Variants in MED19 observed in about 807,000 individuals in gnomAD.
The protein encoded by MED19 is mediator complex subunit 19, also known as mediator of RNA polymerase II transcription subunit 19.
In MED19, 4 loss-of-function variants were observed where a neutral mutation model predicts 19.9. The observed-to-expected ratio is 0.20, with a 90% CI of 0.10 to 0.46. The LOEUF is 0.46. Among genes scored for constraint, MED19 ranks in the 20% least tolerant of loss-of-function variants. The pLI, the probability that MED19 is intolerant of heterozygous loss-of-function variation, is 0.99. For missense variants in MED19, 303 were observed against 318.7 expected (o/e 0.95, Z 0.38); for synonymous variants, 139 against 119.6 (o/e 1.16, Z -1.06).
At chr11:57,705,950 C>T (rs1359310410) in intron 1 of MED19, among the ~76,000 whole-genome samples, 3 of 151,586 alleles carry the variant, frequency 2.0e-5, no homozygotes, top group African/African-American at 4.8e-5. Flanking sequence ...CAACCATGCT[C>T]AGGGGGCCAA....
exon 1 of MED19, chr11:57,712,159 C>T (rs1196157003): frequency 6.5e-7 from 1 of 1,530,314 alleles, no homozygotes; most frequent in Admixed American, 2.1e-5. Context: ...GAGCCCCAAA[C>T]AGTGCCGTGA....
chr11:57,710,396 T>A (rs955991463), intron 1 of MED19, among the ~76,000 whole-genome samples: 1 of 152,188 alleles, frequency 6.6e-6, no homozygotes, highest in African/African-American at 2.4e-5. Context: ...TCCTTTTGTA[T>A]TTACAATCTA....
chr11:57,704,185 A>G (rs1427483744), intron 4 of MED19, 79 bp from the exon 5 acceptor site: 5 of 1,529,342 alleles, frequency 3.3e-6, no homozygotes, highest in East Asian at 4.9e-5. Flanking sequence ...GAAACCTGCA[A>G]CCTGCCTTGG....
chr11:57,704,221 G>A, intron 4 of MED19, 81 bp downstream of exon 4: 1 of 1,526,460 alleles, frequency 6.6e-7, no homozygotes, highest in South Asian at 1.2e-5. Context: ...TCCAACTTGA[G>A]GCAAAGAACT....
chr11:57,704,720 T>G, exon 3 of MED19: 1 of 1,316,068 alleles, frequency 7.6e-7, no homozygotes, highest in East Asian at 3.3e-5. Context: ...GCTTCTTACC[T>G]GGGGGGACAG....
chr11:57,705,183 G>T (rs748820639), exon 2 of MED19: 1 of 1,614,212 alleles, frequency 6.2e-7, no homozygotes, highest in Non-Finnish European at 8.5e-7. Flanking sequence ...CTTGTTCCAA[G>T]TTGTAGTGTG....
intron 3 of MED19, 24 bp downstream of exon 3, chr11:57,704,695 G>GGTT: frequency 2.8e-6 from 2 of 701,992 alleles, no homozygotes; most frequent in Non-Finnish European, 3.6e-6. Flanking sequence ...TTTTTTTTTT[G>GGTT]CTTTGAATAG....
exon 1 of MED19, chr11:57,711,985 A>C (rs1946631451): frequency 2.0e-6 from 3 of 1,488,332 alleles, no homozygotes; most frequent in Non-Finnish European, 2.7e-6. Flanking sequence ...TCATGAGGTA[A>C]AAAGGGCCAC....
intron 1 of MED19, among the ~76,000 whole-genome samples, chr11:57,710,846 T>TA (rs1369608691): frequency 1.3e-5 from 2 of 152,024 alleles, no homozygotes; most frequent in African/African-American, 4.8e-5. Context: ...CAGGCATGCA[T>TA]TACCACGCCC....
At chr11:57,709,381 A>T (rs537946524) in intron 1 of MED19, among the ~76,000 whole-genome samples, 52 of 113,436 alleles carry the variant, frequency 4.6e-4, no homozygotes, top group East Asian at 3.1e-3. Context: ...AACTCTGTTT[A>T]AAAAAAAAAA....
intron 1 of MED19, among the ~76,000 whole-genome samples, chr11:57,711,741 C>T (rs1946617989): frequency 6.6e-6 from 1 of 152,144 alleles, no homozygotes; most frequent in Admixed American, 6.5e-5. Flanking sequence ...TGCACTACGC[C>T]CCTGCCCGCC....
At chr11:57,711,995 C>T (rs1322615020) in exon 1 of MED19, 4 of 1,507,582 alleles carry the variant, frequency 2.7e-6, no homozygotes, top group Non-Finnish European at 3.6e-6. Flanking sequence ...AAAAGGGCCA[C>T]AGCCAGCTCC....
intron 3 of MED19, 136 bp from the exon 4 acceptor site, chr11:57,704,532 T>C: frequency 6.3e-7 from 1 of 1,583,542 alleles, no homozygotes; most frequent in Non-Finnish European, 8.5e-7. Context: ...ACAGAGGTGC[T>C]GCTAGAGTCC....
chr11:57,706,117 C>G (rs1421774584), intron 1 of MED19, among the ~76,000 whole-genome samples: 1 of 151,910 alleles, frequency 6.6e-6, no homozygotes, highest in Non-Finnish European at 1.5e-5. Context: ...CCTCGTGATA[C>G]TGAGTATGAT....
In MED19 at chr11:57,707,156, C is replaced by T. The variant is rs113295491; in HGVS notation, c.218-1927G>A. Among the ~76,000 whole-genome samples, 402 of 150,928 alleles carry T rather than the reference C, an allele frequency of 2.7e-3. 3 individuals are homozygous for T. Among genetic ancestry groups the T allele is most frequent in the African/African-American group, 9.0e-3 (367 of 40,952 alleles). On this transcript the variant is annotated intron_variant, in intron 1 of 4. Transcript: ENST00000431606. ...GAAGTTGCAGTGAGCTGAGTTTGCA[C>T]CACTGCACTCCAGCCTGGGTGGGAG...
chr11:57,711,418 T>G (rs946150742), intron 1 of MED19, among the ~76,000 whole-genome samples: 1 of 152,202 alleles, frequency 6.6e-6, no homozygotes, highest in Non-Finnish European at 1.5e-5. Context: ...AGTGGAGCAA[T>G]GTCGGCTCTC....
At chr11:57,704,631 T>C in intron 3 of MED19, 88 bp downstream of exon 3, 1 of 1,608,624 alleles carries the variant, frequency 6.2e-7, no homozygotes, top group Non-Finnish European at 8.5e-7. Flanking sequence ...CTTAACTGGG[T>C]TTACCTATGG....
intron 1 of MED19, among the ~76,000 whole-genome samples, chr11:57,709,219 T>A (rs1232642426): frequency 6.6e-6 from 1 of 152,032 alleles, no homozygotes; most frequent in East Asian, 1.9e-4. Context: ...CTGTCTCCAC[T>A]AAAAATAAAA....
At chr11:57,712,213 G>C in exon 1 of MED19, 1 of 1,479,950 alleles carries the variant, frequency 6.8e-7, no homozygotes, top group Non-Finnish European at 8.9e-7. Flanking sequence ...CTCCGTGTCT[G>C]CCGTTGGTAA....
Sources: gnomAD v4.1 joint callset for allele counts (sites outside exome capture counted in the v4.1 genomes callset) on GRCh38, gnomAD v4.1.1 for gene constraint, MANE v1.5 for transcripts, NCBI Gene and HGNC (gene_info 2026-07-23, HGNC 2026-07-21) for gene names.